IL1RAPL1: variants seen among roughly 807,000 people sequenced by gnomAD.
The protein encoded by IL1RAPL1 is interleukin-1 receptor accessory protein-like 1.
IL1RAPL1 carries 3 observed loss-of-function variants against 48.4 expected under a neutral mutation model. The ratio of observed to expected loss-of-function variants is 0.06; its 90% CI spans 0.03 to 0.16. IL1RAPL1 has a LOEUF of 0.16. Ranked by LOEUF, IL1RAPL1 falls within the 10% of genes least tolerant of loss-of-function variation. The pLI, the probability that IL1RAPL1 is intolerant of heterozygous loss-of-function variation, is 1.00. For missense variants in IL1RAPL1, 349 were observed against 530.6 expected, an observed-to-expected ratio of 0.66 and a Z score of 3.36; for synonymous variants, 185 against 187.7, an observed-to-expected ratio of 0.99 and a Z score of 0.12.
chrX:29,701,219 G>T (rs1043092502), intron 6 of IL1RAPL1, among the ~76,000 whole-genome samples: 1 of 111,922 alleles, frequency 8.9e-6, no homozygotes, highest in Non-Finnish European at 1.9e-5. Flanking sequence ...CAGACCACTT[G>T]GTTTCAAAAT....
At chrX:29,089,133 A>G (rs1052892381) in intron 2 of IL1RAPL1, among the ~76,000 whole-genome samples, 1 of 111,238 alleles carries the variant, frequency 9.0e-6, no homozygotes, top group Non-Finnish European at 1.9e-5. Flanking sequence ...CATGAGGGAG[A>G]CAGCAGTAAA....
intron 5 of IL1RAPL1, among the ~76,000 whole-genome samples, chrX:29,504,949 T>C (rs1935312268): frequency 8.9e-6 from 1 of 112,005 alleles, no homozygotes; most frequent in Non-Finnish European, 1.9e-5. Context: ...TTAAGTGATT[T>C]TTCTCTGGTA....
At chrX:28,982,837 T>G (rs1925376132) in intron 2 of IL1RAPL1, 1 of 110,926 alleles carries the variant, frequency 9.0e-6, no homozygotes, top group Non-Finnish European at 1.9e-5. Flanking sequence ...TATTATTATT[T>G]TTATTTAAAT....
chrX:29,766,701 T>TA (rs1555918219), intron 6 of IL1RAPL1, among the ~76,000 whole-genome samples: 9 of 93,185 alleles, frequency 9.7e-5, no homozygotes, highest in African/African-American at 3.9e-4. Context: ...TATTAATATA[T>TA]AATATATAAT....
At chrX:29,318,491 A>G (rs887435483) in intron 3 of IL1RAPL1, among the ~76,000 whole-genome samples, 4 of 112,580 alleles carry the variant, frequency 3.6e-5, no homozygotes, top group East Asian at 2.8e-4. Flanking sequence ...AAAGGAAATT[A>G]TCCCCCTTTC....
rs191702573 is a variant in IL1RAPL1 at position 28,959,812 on chromosome X, A to G, written c.82+170387A>G. Reference sequence around the variant, plus strand: ...CTGAATCACTGATTTGATTTTCTGCAGTACTAAATCTGAGTTGTATTGCTT... The same window carrying G: ...CTGAATCACTGATTTGATTTTCTGCGGTACTAAATCTGAGTTGTATTGCTT... On this transcript the variant is annotated intron_variant, in intron 2 of 10. Transcript: ENST00000378993. Among the ~76,000 whole-genome samples, 543 of 112,034 alleles carry G rather than the reference A, an allele frequency of 4.8e-3. 6 individuals are homozygous for G. Among genetic ancestry groups the G allele is most frequent in the African/African-American group, 0.017 (516 of 30,871 alleles).
At chrX:29,608,033 C>G (rs751034031) in intron 5 of IL1RAPL1, among the ~76,000 whole-genome samples, 2 of 112,204 alleles carry the variant, frequency 1.8e-5, no homozygotes, top group South Asian at 3.7e-4. Flanking sequence ...TTAAAATTCT[C>G]TGCACTGACT....
intron 2 of IL1RAPL1, among the ~76,000 whole-genome samples, chrX:29,153,585 C>T (rs1929509275): frequency 8.9e-6 from 1 of 112,414 alleles, no homozygotes; most frequent in South Asian, 3.7e-4. Flanking sequence ...GAAAAGTTGA[C>T]TTAGAAAATT....
chrX:29,782,146 G>GTACC (rs971052560), intron 6 of IL1RAPL1, among the ~76,000 whole-genome samples: 6 of 77,738 alleles, frequency 7.7e-5, no homozygotes, highest in Admixed American at 1.3e-4. Context: ...ATCTATCTAT[G>GTACC]TACCTACCTA....
chrX:29,803,232 C>T lies in IL1RAPL1; in HGVS notation c.779-114232C>T, dbSNP rs181783853. 9.2e-4 allele frequency among the ~76,000 whole-genome samples: 23 copies of T among 25,031 alleles called. 1 individual carries two copies. Among genetic ancestry groups the T allele is most frequent in the African/African-American group, 2.6e-3 (14 of 5,372 alleles). 21.7% of individuals were successfully genotyped at this position (25,031 alleles called of 115,157 possible). A position where few individuals can be genotyped will look rare whatever the true frequency, so the allele number is the denominator to read the frequency against. On this transcript the variant is annotated intron_variant, in intron 6 of 10. Coordinates refer to ENST00000378993, the MANE Select transcript of IL1RAPL1 (RefSeq NM_014271.4). ...ATGTATATATGTATACATATACACA[C>T]ATGTATATATGTATACATATACACA...
intron 2 of IL1RAPL1, among the ~76,000 whole-genome samples, chrX:29,019,313 A>T (rs1195007514): frequency 4.5e-5 from 5 of 112,047 alleles, no homozygotes; most frequent in Non-Finnish European, 7.5e-5. Flanking sequence ...GTTGCACAAC[A>T]TTTTGAATAT....
At chrX:29,915,712 T>C (rs1932792323) in intron 6 of IL1RAPL1, among the ~76,000 whole-genome samples, 1 of 77,227 alleles carries the variant, frequency 1.3e-5, no homozygotes, top group Non-Finnish European at 2.3e-5. Flanking sequence ...TCTGGTAATA[T>C]TCTTTTTTTT....
intron 6 of IL1RAPL1, among the ~76,000 whole-genome samples, chrX:29,823,346 A>T (rs1930661034): frequency 8.9e-6 from 1 of 112,037 alleles, no homozygotes; most frequent in Admixed American, 9.5e-5. Flanking sequence ...AGATGCTTCA[A>T]ACTGTGAGAT....
At chrX:28,800,581 A>G (rs981376152) in intron 2 of IL1RAPL1, among the ~76,000 whole-genome samples, 2 of 111,399 alleles carry the variant, frequency 1.8e-5, no homozygotes, top group African/African-American at 6.5e-5. Flanking sequence ...GAAAGAGACT[A>G]AGGGAAAGCT....
chrX:29,292,429 A>T (rs1381080410), intron 3 of IL1RAPL1, among the ~76,000 whole-genome samples: 1 of 111,591 alleles, frequency 9.0e-6, no homozygotes, highest in Non-Finnish European at 1.9e-5. Flanking sequence ...CCAAACAAGT[A>T]ACTGCTATAA....
chrX:28,873,963 T>C (rs1362730624), intron 2 of IL1RAPL1, among the ~76,000 whole-genome samples: 1 of 103,195 alleles, frequency 9.7e-6, no homozygotes, highest in East Asian at 3.0e-4. Flanking sequence ...ATTTTTTGCT[T>C]CTCCAGTAAA....
intron 3 of IL1RAPL1, among the ~76,000 whole-genome samples, chrX:29,343,390 C>G (rs1239322505): frequency 9.0e-6 from 1 of 111,107 alleles, no homozygotes; most frequent in Admixed American, 9.6e-5. Context: ...TGGTACAGGC[C>G]TAATGGTTCC....
intron 2 of IL1RAPL1, among the ~76,000 whole-genome samples, chrX:29,027,285 T>A: frequency 8.9e-6 from 1 of 112,551 alleles, no homozygotes; most frequent in Middle Eastern, 4.6e-3. Context: ...TTTAGAATCA[T>A]ACAGTATGTA....
rs201514662 is a variant in IL1RAPL1, at chrX:29,520,709, CTTA to C, written c.703+121418_703+121420del. 1.5e-3 allele frequency among the ~76,000 whole-genome samples: 161 copies of C among 110,863 alleles called. 1 individual carries two copies. The highest frequency in any genetic ancestry group is 4.6e-3 in the African/African-American group (140 of 30,625). ...GTTCTTGCTCCCAAATAACAAAAGGCTTATTATTATTATTATTATCTTTATTGG... is the reference window on the plus strand; with the variant it reads ...GTTCTTGCTCCCAAATAACAAAAGGCTTATTATTATTATTATCTTTATTGG... On this transcript the variant is annotated intron_variant, in intron 5 of 10. Coordinates refer to ENST00000378993, the MANE Select transcript of IL1RAPL1 (RefSeq NM_014271.4).
Sources: gnomAD v4.1 joint callset for allele counts (sites outside exome capture counted in the v4.1 genomes callset) on GRCh38, gnomAD v4.1.1 for gene constraint, MANE v1.5 for transcripts, NCBI Gene and HGNC (gene_info 2026-07-23, HGNC 2026-07-21) for gene names.